PLCE1: variants seen among roughly 807,000 people sequenced by gnomAD.
PLCE1 encodes the protein 1-phosphatidylinositol 4,5-bisphosphate phosphodiesterase epsilon-1.
Under a neutral mutation model 242.8 loss-of-function variants are expected in PLCE1, and 119 were observed. That is an observed-to-expected ratio of 0.49 (90% CI 0.42 to 0.57). The LOEUF (loss-of-function observed/expected upper bound fraction) is 0.57. Ranked by LOEUF, PLCE1 falls within the 20% of genes least tolerant of loss-of-function variation. The pLI, the probability that PLCE1 is intolerant of heterozygous loss-of-function variation, is 0.00. For missense variants in PLCE1, 2,441 were observed against 2,788.8 expected, an observed-to-expected ratio of 0.88 and a Z score of 2.81; for synonymous variants, 945 against 1,017.4, an observed-to-expected ratio of 0.93 and a Z score of 1.35.
intron 2 of PLCE1, among the ~76,000 whole-genome samples, chr10:94,110,985 C>A (rs915278230): frequency 6.6e-6 from 1 of 152,220 alleles, no homozygotes; most frequent in African/African-American, 2.4e-5. Context: ...AATGTCTCCA[C>A]ACATTGCCAA....
chr10:94,206,933 C>G (rs947015485), intron 4 of PLCE1, among the ~76,000 whole-genome samples: 1 of 152,200 alleles, frequency 6.6e-6, no homozygotes, highest in Non-Finnish European at 1.5e-5. Flanking sequence ...CATGCACACA[C>G]GTACATACAA....
At chr10:94,243,264 T>A (rs1463651021) in intron 7 of PLCE1, among the ~76,000 whole-genome samples, 2 of 151,928 alleles carry the variant, frequency 1.3e-5, no homozygotes, top group Admixed American at 1.3e-4. Flanking sequence ...ATGGAAAAAA[T>A]ATCAGCCAAG....
chr10:94,113,309 A>C (rs907924822), intron 2 of PLCE1, among the ~76,000 whole-genome samples: 4 of 150,734 alleles, frequency 2.7e-5, no homozygotes, highest in Non-Finnish European at 5.9e-5. Context: ...TTTTGGCATG[A>C]GGACTTCACA....
At chr10:94,077,073 T>G (rs1045805577) in intron 2 of PLCE1, among the ~76,000 whole-genome samples, 1 of 152,222 alleles carries the variant, frequency 6.6e-6, no homozygotes, top group Non-Finnish European at 1.5e-5. Context: ...CAATTATATA[T>G]CTCATCGAAA....
In PLCE1 at chr10:94,319,863, TC is replaced by T. The variant is rs1237057456; in HGVS notation, c.6343-2037del. Among the ~76,000 whole-genome samples the T allele has an allele frequency of 1.3e-3, 123 of 97,658 alleles. 1 individual carries two copies. The highest frequency in any genetic ancestry group is 2.5e-3 in the Non-Finnish European group (109 of 43,818). 64.1% of individuals were successfully genotyped at this position (97,658 alleles called of 152,430 possible). On this transcript the variant is annotated intron_variant, in intron 29 of 32. Transcript: ENST00000371380. ...AGCTCTGAGGGAGGCTCAAAGGTGCTCTTTTTTTTTTTTTTTTTTTTTTTGA... is the reference window on the plus strand; with the variant it reads ...AGCTCTGAGGGAGGCTCAAAGGTGCTTTTTTTTTTTTTTTTTTTTTTTTGA...
intron 2 of PLCE1, among the ~76,000 whole-genome samples, chr10:94,066,820 A>G (rs2044209537): frequency 6.6e-6 from 1 of 152,188 alleles, no homozygotes; most frequent in South Asian, 2.1e-4. Context: ...ATGGTTTGTT[A>G]TCTCAGCTCC....
In PLCE1 at chr10:94,171,213, A is replaced by G; in HGVS notation, c.1526A>G (p.Asn509Ser). The G allele has an allele frequency of 1.9e-6, 3 of 1,614,148 alleles. No individual in the cohort carries two copies. Among genetic ancestry groups the G allele is most frequent in the Middle Eastern group, 1.6e-4 (1 of 6,062 alleles). Residue 509 changes from asparagine (N) to serine (S), a missense_variant, in exon 4 of 33, where the codon AAT becomes AGT. Physicochemically the swap from Asn to Ser is conservative, Grantham distance 46. Transcript: ENST00000371380. ...RQPGPSVANS[N>S]ALPSSSAGIS... is the part of the protein sequence containing the mutation. The stretch of plus-strand genomic sequence containing the variant: ...CCAGGCCCCTCTGTGGCCAATTCCA[A>G]TGCCCTCCCTTCAAGTTCAGCTGGG...
intron 1 of PLCE1, among the ~76,000 whole-genome samples, chr10:94,023,606 G>A (rs544263080): frequency 2.0e-5 from 3 of 152,270 alleles, no homozygotes; most frequent in East Asian, 3.9e-4. Context: ...ATTAGAGACT[G>A]TCTTTACAGG....
At chr10:94,140,440 G>T (rs1157329242) in intron 3 of PLCE1, among the ~76,000 whole-genome samples, 5 of 152,098 alleles carry the variant, frequency 3.3e-5, no homozygotes, top group Non-Finnish European at 7.4e-5. Context: ...CTACTTAGGA[G>T]GCTGAGGCAT....
intron 3 of PLCE1, chr10:94,138,553 C>A: frequency 2.1e-6 from 1 of 473,284 alleles, no homozygotes; most frequent in Admixed American, 2.3e-5. Flanking sequence ...ACTCAGACTC[C>A]ATCTGGGGAT....
intron 2 of PLCE1, among the ~76,000 whole-genome samples, chr10:94,048,405 A>G (rs1018212875): frequency 2.0e-4 from 19 of 92,758 alleles, no homozygotes; most frequent in Middle Eastern, 7.0e-3. Flanking sequence ...CCTTGCCACT[A>G]TGATGTACAA....
At chr10:94,126,559 G>T (rs1347475707) in intron 2 of PLCE1, among the ~76,000 whole-genome samples, 1 of 152,198 alleles carries the variant, frequency 6.6e-6, no homozygotes, top group Non-Finnish European at 1.5e-5. Flanking sequence ...ATCACTTGTT[G>T]AGTAAATGAA....
chr10:94,183,261 C>G (rs548922413), intron 4 of PLCE1, among the ~76,000 whole-genome samples: 2 of 152,334 alleles, frequency 1.3e-5, no homozygotes, highest in East Asian at 3.9e-4. Context: ...ATAAATCCAA[C>G]TGCCTTCTCA....
intron 4 of PLCE1, among the ~76,000 whole-genome samples, chr10:94,206,007 T>C (rs1022253702): frequency 6.6e-6 from 1 of 152,222 alleles, no homozygotes; most frequent in Non-Finnish European, 1.5e-5. Flanking sequence ...GAGCTTCCAT[T>C]GCAGTTAGAT....
At chr10:94,297,295 AG>A (rs1473621205) in intron 23 of PLCE1, among the ~76,000 whole-genome samples, 1 of 152,090 alleles carries the variant, frequency 6.6e-6, no homozygotes, top group Non-Finnish European at 1.5e-5. Context: ...AGGCACAAGG[AG>A]AGGGAGGGAG....
intron 2 of PLCE1, chr10:94,099,745 T>C (rs1344612324): frequency 6.6e-6 from 1 of 152,038 alleles, no homozygotes; most frequent in African/African-American, 2.4e-5. Flanking sequence ...ATGTGGAAAA[T>C]GGAGACATTA....
At chr10:94,210,442 C>T (rs925565227) in intron 4 of PLCE1, among the ~76,000 whole-genome samples, 2 of 152,226 alleles carry the variant, frequency 1.3e-5, no homozygotes, top group East Asian at 1.9e-4. Context: ...TCAACACACC[C>T]CCGAAATTTT....
chr10:94,195,107 A>T (rs2048779294), intron 4 of PLCE1, among the ~76,000 whole-genome samples: 1 of 152,190 alleles, frequency 6.6e-6, no homozygotes, highest in African/African-American at 2.4e-5. Flanking sequence ...AATGTTAAAG[A>T]AAAAAACGTT....
chr10:94,027,629 G>C (rs1481210036), intron 1 of PLCE1, among the ~76,000 whole-genome samples: 1 of 152,070 alleles, frequency 6.6e-6, no homozygotes, highest in Non-Finnish European at 1.5e-5. Flanking sequence ...AGACCATCCT[G>C]GCTAACATGG....
Sources: gnomAD v4.1 joint callset for allele counts (sites outside exome capture counted in the v4.1 genomes callset) on GRCh38, gnomAD v4.1.1 for gene constraint, MANE v1.5 for transcripts, NCBI Gene and HGNC (gene_info 2026-07-23, HGNC 2026-07-21) for gene names.